The following IQGAP1 variants were observed in gnomAD, a reference collection of about 807,000 sequenced individuals.
The protein encoded by IQGAP1 is ras GTPase-activating-like protein IQGAP1.
IQGAP1 carries 66 observed loss-of-function variants against 215.6 expected under a neutral mutation model. The observed-to-expected ratio is 0.31, with a 90% CI of 0.25 to 0.38. IQGAP1 has a LOEUF of 0.38. IQGAP1 is among the 10% of genes least tolerant of loss of function. The probability of loss-of-function intolerance (pLI) is 1.00; values close to 1 mark genes in which losing one functional copy is unlikely to be tolerated. For missense variants in IQGAP1, 1,712 were observed against 1,997.1 expected (o/e 0.86, Z 2.72); for synonymous variants, 772 against 728.7 (o/e 1.06, Z -0.96).
chr15:90,396,847 CA>C (rs200161559), intron 2 of IQGAP1, among the ~76,000 whole-genome samples: 9 of 151,194 alleles, frequency 6.0e-5, no homozygotes, highest in East Asian at 5.8e-4. Context: ...GAAAATTTAG[CA>C]AAAAAAATTT....
chr15:90,419,362 T>C (rs1965100583), intron 2 of IQGAP1, among the ~76,000 whole-genome samples: 1 of 152,204 alleles, frequency 6.6e-6, no homozygotes, highest in South Asian at 2.1e-4. Flanking sequence ...AGATTATTTT[T>C]TAAGTGTCAT....
At chr15:90,449,249 C>T (rs1452153365) in intron 10 of IQGAP1, among the ~76,000 whole-genome samples, 4 of 152,006 alleles carry the variant, frequency 2.6e-5, no homozygotes, top group Admixed American at 6.6e-5. Context: ...AAATATCCAG[C>T]GTACGTTGGT....
At chr15:90,436,194 A>G (rs778669391) in intron 5 of IQGAP1, among the ~76,000 whole-genome samples, 2 of 152,028 alleles carry the variant, frequency 1.3e-5, no homozygotes, top group Non-Finnish European at 2.9e-5. Context: ...TCCATTCTCA[A>G]AATACTTGTA....
intron 15 of IQGAP1, among the ~76,000 whole-genome samples, chr15:90,456,925 T>C (rs1260181837): frequency 1.2e-5 from 1 of 83,674 alleles, no homozygotes; most frequent in Non-Finnish European, 2.3e-5. Context: ...TGTGTGTGTG[T>C]ATATATATAT....
At chr15:90,389,873 T>G (rs922472639) in intron 1 of IQGAP1, among the ~76,000 whole-genome samples, 1 of 150,590 alleles carries the variant, frequency 6.6e-6, no homozygotes, top group Non-Finnish European at 1.5e-5. Flanking sequence ...GAGGATCATT[T>G]GAGCCCAGAA....
Position 90,486,025 on chromosome 15 carries a change from T to C in IQGAP1, c.3922-5T>C. On this transcript the variant is annotated splice_region_variant and splice_polypyrimidine_tract_variant and intron_variant, in intron 30 of 37. Transcript: ENST00000268182. ...ATAAATGGAGTTGATCATTGGTGTT[T>C]GCAGCTCCTGTTGGATCACCAGGAT... 6.2e-7 allele frequency: 1 copy of C among 1,610,766 alleles called. No individual in the cohort carries two copies. Among genetic ancestry groups the C allele is most frequent in the Non-Finnish European group, 8.5e-7 (1 of 1,177,320 alleles).
chr15:90,478,633 T>G (rs1966012574), intron 26 of IQGAP1, among the ~76,000 whole-genome samples: 1 of 152,232 alleles, frequency 6.6e-6, no homozygotes, highest in Admixed American at 6.5e-5. Flanking sequence ...AAATTTCATT[T>G]AGCTGAGGCC....
intron 4 of IQGAP1, among the ~76,000 whole-genome samples, chr15:90,430,032 T>C (rs1019385276): frequency 9.2e-5 from 14 of 152,230 alleles, no homozygotes; most frequent in Admixed American, 3.3e-4. Flanking sequence ...ACATTAAAAT[T>C]TGACCTTTGG....
chr15:90,404,411 A>G (rs74674380), intron 2 of IQGAP1, among the ~76,000 whole-genome samples: 1 of 152,186 alleles, frequency 6.6e-6, no homozygotes, highest in Non-Finnish European at 1.5e-5. Flanking sequence ...AGTGAAGATG[A>G]GCATCTTTAC....
At chr15:90,493,097 G>T (rs1230218563) in intron 35 of IQGAP1, among the ~76,000 whole-genome samples, 1 of 152,104 alleles carries the variant, frequency 6.6e-6, no homozygotes, top group Admixed American at 6.5e-5. Flanking sequence ...ATACAAATTA[G>T]CTGGGTGTGG....
In IQGAP1 at chr15:90,466,045, A is replaced by C. The variant is rs1965825864; in HGVS notation, c.1821A>C (p.Gln607His). Reference protein sequence around the residue: ...ESAVLWLDEIQGGIWQSNKDT... With the variant: ...ESAVLWLDEIHGGIWQSNKDT... ...CTGTGTTATGGTTGGATGAAATTCA[A>C]GGTGGAATCTGGCAGTCCAACAAAG... is the stretch of plus-strand genomic sequence containing the variant. Residue 607 changes from glutamine (Q) to histidine (H), a missense_variant, in exon 16 of 38, where the codon CAA becomes CAC. Coordinates refer to ENST00000268182, the MANE Select transcript of IQGAP1 (RefSeq NM_003870.4). The C allele has an allele frequency of 6.2e-7, 1 of 1,613,998 alleles. No individual in the cohort carries two copies. Among genetic ancestry groups the C allele is most frequent in the Non-Finnish European group, 8.5e-7 (1 of 1,180,002 alleles).
At chr15:90,467,418 A>T (rs774967830) in intron 17 of IQGAP1, 32 bp from the exon 18 acceptor site, 1 of 1,595,820 alleles carries the variant, frequency 6.3e-7, no homozygotes, top group Non-Finnish European at 8.5e-7. Flanking sequence ...GTGGCTCTGG[A>T]TGTCTTCTAT....
chr15:90,443,341 G>C, intron 8 of IQGAP1, 53 bp from the exon 9 acceptor site: 1 of 1,092,006 alleles, frequency 9.2e-7, no homozygotes, highest in African/African-American at 1.5e-5. Context: ...GTATTTATGT[G>C]GTCTTCTTAG....
At chr15:90,462,930 C>T (rs896753302) in intron 15 of IQGAP1, among the ~76,000 whole-genome samples, 1 of 152,202 alleles carries the variant, frequency 6.6e-6, no homozygotes, top group African/African-American at 2.4e-5. Context: ...CTTTAACACT[C>T]TGCTCAGTCA....
chr15:90,466,701 G>A (rs1965837851), intron 17 of IQGAP1, among the ~76,000 whole-genome samples: 1 of 151,548 alleles, frequency 6.6e-6, no homozygotes, highest in East Asian at 1.9e-4. Context: ...CAGAGTAGCA[G>A]TAGCTCTGAT....
In IQGAP1 at chr15:90,501,621, G is replaced by C. The variant is rs1343546078; in HGVS notation, c.*1513G>C. On this transcript the variant is annotated 3_prime_UTR_variant, in exon 38 of 38. Transcript: ENST00000268182. Reference sequence around the variant, plus strand: ...TTTTTATGAGACTCTTTACTCAGGTGCATGGTTACAGCCCACAGGGAGGCA... The same window carrying C: ...TTTTTATGAGACTCTTTACTCAGGTCCATGGTTACAGCCCACAGGGAGGCA... The C allele has an allele frequency of 6.6e-6, 1 of 152,214 alleles. No homozygotes were observed. The highest frequency in any genetic ancestry group is 2.4e-5 in the African/African-American group (1 of 41,448). 9.4% of individuals were successfully genotyped at this position (152,214 alleles called of 1,614,324 possible).
rs571921840 is a variant in IQGAP1, at chr15:90,477,988, T to C, written c.3329+99T>C. 9 of 754,560 alleles carry C rather than the reference T, an allele frequency of 1.2e-5. No homozygotes were observed. In the Admixed American group the frequency reaches 1.4e-4, roughly 12 times the overall value. 46.7% of individuals were successfully genotyped at this position (754,560 alleles called of 1,614,324 possible). A position where few individuals can be genotyped will look rare whatever the true frequency, so the allele number is the denominator to read the frequency against. On this transcript the variant is annotated intron_variant, in intron 26 of 37. Transcript: ENST00000268182. ...ATAAACTAATATTAGTTCAAATAGT[T>C]TTTCTTTTCTTTTCTTTTTTTAGAC...
At chr15:90,433,911 C>A in intron 5 of IQGAP1, 116 bp downstream of exon 5, 2 of 560,894 alleles carry the variant, frequency 3.6e-6, no homozygotes, top group Non-Finnish European at 6.3e-6. Flanking sequence ...TCAAAAGTTC[C>A]AAATAGGATA....
chr15:90,495,427 A>G (rs1330644553), intron 36 of IQGAP1, among the ~76,000 whole-genome samples: 1 of 152,128 alleles, frequency 6.6e-6, no homozygotes, highest in African/African-American at 2.4e-5. Context: ...CATTTTTCTA[A>G]TTCTAAAATA....
Sources: allele counts gnomAD v4.1 joint callset (sites outside exome capture counted in the v4.1 genomes callset), GRCh38; gene constraint gnomAD v4.1.1; transcripts MANE v1.5; gene names NCBI Gene and HGNC (gene_info 2026-07-23, HGNC 2026-07-21).